NFAT5: variants seen among roughly 807,000 people sequenced by gnomAD.
NFAT5 encodes nuclear factor of activated T-cells 5.
Under a neutral mutation model 166.5 loss-of-function variants are expected in NFAT5, and 31 were observed. The observed-to-expected ratio is 0.19, with a 90% CI of 0.14 to 0.25. The LOEUF is 0.25. NFAT5 is among the 10% of genes least tolerant of loss of function. The pLI is 1.00. For missense variants in NFAT5, 1,449 were observed against 1,821.8 expected (o/e 0.80, Z 3.72); for synonymous variants, 612 against 639.7 (o/e 0.96, Z 0.65).
intron 11 of NFAT5, chr16:69,685,173 TA>T: frequency 9.1e-6 from 1 of 110,352 alleles, no homozygotes; most frequent in Non-Finnish European, 1.7e-5. Flanking sequence ...TATGTTTTTA[TA>T]TATATATATA....
chr16:69,618,084 G>A (rs1342835238), intron 2 of NFAT5, among the ~76,000 whole-genome samples: 1 of 151,726 alleles, frequency 6.6e-6, no homozygotes, highest in Non-Finnish European at 1.5e-5. Context: ...CTTGGACCGG[G>A]GAGGTGGAGG....
intron 3 of NFAT5, among the ~76,000 whole-genome samples, chr16:69,646,221 T>C (rs1024339013): frequency 6.6e-6 from 1 of 152,206 alleles, no homozygotes; most frequent in African/African-American, 2.4e-5. Context: ...CTTCCTTTGC[T>C]TTTCATTATG....
intron 4 of NFAT5, among the ~76,000 whole-genome samples, chr16:69,650,369 A>G (rs1159603566): frequency 2.0e-5 from 3 of 152,072 alleles, no homozygotes; most frequent in Admixed American, 2.0e-4. Flanking sequence ...ATGGTTTTAC[A>G]TGTCTATACA....
intron 3 of NFAT5, among the ~76,000 whole-genome samples, chr16:69,630,409 A>C (rs921565581): frequency 9.2e-5 from 14 of 152,110 alleles, no homozygotes; most frequent in Non-Finnish European, 1.3e-4. Flanking sequence ...GGCCTCAAGC[A>C]GTTCTCCTAC....
intron 2 of NFAT5, among the ~76,000 whole-genome samples, chr16:69,589,876 G>C (rs2032352021): frequency 2.0e-5 from 3 of 151,992 alleles, no homozygotes. Context: ...AAGTTCTTAA[G>C]CTGGCCACAG....
In NFAT5 at chr16:69,647,635, C is replaced by A. The variant is rs1378381547; in HGVS notation, c.812+49C>A. The A allele has an allele frequency of 5.4e-6, 8 of 1,473,020 alleles. No individual in the cohort carries two copies. The highest frequency in any genetic ancestry group is 4.6e-5 in the Admixed American group (2 of 43,528). The allele number at this position is 1,473,020 out of a possible 1,614,324, so 91.2% of individuals were successfully genotyped here. A position where few individuals can be genotyped will look rare whatever the true frequency, so the allele number is the denominator to read the frequency against. On this transcript the variant is annotated intron_variant, in intron 4 of 14. Coordinates refer to ENST00000349945, the MANE Select transcript of NFAT5 (RefSeq NM_138713.4). The surrounding 1 kb of genome is among the most constrained non-coding windows in gnomAD (Gnocchi z 4.8). ...TTCTATCATCATTATGCAAAACAAA[C>A]AAACAAAAAAAATTCCCAATTTTTC...
chr16:69,626,913 AT>A (rs2034483599), intron 3 of NFAT5, among the ~76,000 whole-genome samples: 1 of 152,130 alleles, frequency 6.6e-6, no homozygotes, highest in Non-Finnish European at 1.5e-5. Flanking sequence ...ATTTTATATG[AT>A]CTGAAAAATG....
At chr16:69,587,233 A>AT (rs1010907650) in intron 2 of NFAT5, among the ~76,000 whole-genome samples, 4 of 107,742 alleles carry the variant, frequency 3.7e-5, no homozygotes, top group African/African-American at 1.9e-4. Flanking sequence ...CGCCTGGCTA[A>AT]TTTTTTGTAT....
intron 2 of NFAT5, among the ~76,000 whole-genome samples, chr16:69,604,525 C>CA (rs1291048714): frequency 6.6e-6 from 1 of 152,164 alleles, no homozygotes; most frequent in African/African-American, 2.4e-5. Flanking sequence ...CCTTGACCTC[C>CA]AAGTAGGCCC....
chr16:69,667,065 C>G (rs1303576178), intron 7 of NFAT5, among the ~76,000 whole-genome samples: 4 of 150,156 alleles, frequency 2.7e-5, no homozygotes, highest in East Asian at 3.9e-4. Context: ...AGTAAACTAT[C>G]GCAAGAACAA....
intron 10 of NFAT5, among the ~76,000 whole-genome samples, chr16:69,679,365 T>C (rs2036961471): frequency 6.6e-6 from 1 of 151,430 alleles, no homozygotes; most frequent in East Asian, 2.0e-4. Flanking sequence ...CCTGTAATCC[T>C]AGCACATTGG....
chr16:69,641,002 G>C (rs1045277883), intron 3 of NFAT5, among the ~76,000 whole-genome samples: 1 of 148,704 alleles, frequency 6.7e-6, no homozygotes, highest in African/African-American at 2.5e-5. Flanking sequence ...AAAAAAGGCC[G>C]GGCACGGTGG....
intron 3 of NFAT5, among the ~76,000 whole-genome samples, chr16:69,645,622 A>G (rs924423349): frequency 1.3e-5 from 2 of 152,194 alleles, no homozygotes; most frequent in African/African-American, 4.8e-5. Flanking sequence ...TTTGCTCTTT[A>G]TATTATAATT....
At chr16:69,656,608 A>G (rs369954861) in intron 6 of NFAT5, among the ~76,000 whole-genome samples, 1 of 152,064 alleles carries the variant, frequency 6.6e-6, no homozygotes, top group South Asian at 2.1e-4. Flanking sequence ...ATCTGCCACC[A>G]CACCCGGCTA....
At chr16:69,664,282 C>CTTTA (rs1467498884) in intron 7 of NFAT5, among the ~76,000 whole-genome samples, 7 of 151,806 alleles carry the variant, frequency 4.6e-5, no homozygotes, top group Admixed American at 4.6e-4. Flanking sequence ...TTTTTTTCAA[C>CTTTA]TTTATTTATT....
At chr16:69,574,122 C>T (rs181554525) in intron 2 of NFAT5, among the ~76,000 whole-genome samples, 59 of 152,134 alleles carry the variant, frequency 3.9e-4, no homozygotes, top group African/African-American at 1.3e-3. Flanking sequence ...CCACCCACCT[C>T]GGCCCCCCAA....
chr16:69,608,120 C>T (rs2151551403), intron 2 of NFAT5, among the ~76,000 whole-genome samples: 1 of 151,210 alleles, frequency 6.6e-6, no homozygotes, highest in East Asian at 1.9e-4. Context: ...TTTGGGAGGC[C>T]AAAGTGGGCA....
intron 2 of NFAT5, among the ~76,000 whole-genome samples, chr16:69,592,447 A>G (rs751024105): frequency 1.4e-4 from 21 of 152,134 alleles, no homozygotes; most frequent in Non-Finnish European, 2.8e-4. Context: ...TTGTTCAAAA[A>G]TTATTATAGT....
At chr16:69,677,845 TTTGG>T (rs937525952) in intron 10 of NFAT5, among the ~76,000 whole-genome samples, 1 of 152,120 alleles carries the variant, frequency 6.6e-6, no homozygotes, top group Admixed American at 6.5e-5. Flanking sequence ...TAAATAAAAC[TTTGG>T]TTGGGTTAAA....
Sources: gnomAD v4.1 joint callset for allele counts (sites outside exome capture counted in the v4.1 genomes callset) on GRCh38, gnomAD v4.1.1 for gene constraint, Gnocchi (gnomAD v3.1) non-coding constraint, MANE v1.5 for transcripts, NCBI Gene and HGNC (gene_info 2026-07-23, HGNC 2026-07-21) for gene names.